The following PCDHGA10 variants were observed in gnomAD, a reference collection of about 807,000 sequenced individuals.
PCDHGA10 encodes protocadherin gamma subfamily A, 10.
Under a neutral mutation model 59.5 loss-of-function variants are expected in PCDHGA10, and 42 were observed. That is an observed-to-expected ratio of 0.71 (90% confidence interval 0.55 to 0.91). PCDHGA10 has a LOEUF of 0.91. Among genes scored for constraint, PCDHGA10 ranks in the 40% least tolerant of loss-of-function variants. The pLI, the probability that PCDHGA10 is intolerant of heterozygous loss-of-function variation, is 0.00. For missense variants in PCDHGA10, 1,111 were observed against 1,198.2 expected (o/e 0.93, Z 1.07); for synonymous variants, 511 against 517.2 (o/e 0.99, Z 0.16).
Position 141,510,990 on chromosome 5 carries a change from C to T in PCDHGA10, c.2628C>T (p.Thr876=). ...GSSTLGGGAG[T]MGLSARYGPQ... ...CCACCCTGGGAGGGGGTGCCGGCAC[C>T]ATGGGATTGAGCGCCCGCTACGGAC... The change falls in exon 4 of 4, where the codon ACC becomes ACT. Residue 876 remains threonine, a synonymous_variant. Transcript: ENST00000398610. The T allele has an allele frequency of 2.5e-6, 4 of 1,614,166 alleles. No homozygotes were observed. Among genetic ancestry groups the T allele is most frequent in the Non-Finnish European group, 3.4e-6 (4 of 1,180,014 alleles).
chr5:141,506,506 C>T (rs1279198463), intron 3 of PCDHGA10, among the ~76,000 whole-genome samples: 2 of 151,030 alleles, frequency 1.3e-5, no homozygotes. Context: ...GATTCAAATC[C>T]TGGCACCTGG....
chr5:141,497,197 A>G (rs1243476120), intron 2 of PCDHGA10, among the ~76,000 whole-genome samples: 2 of 106,804 alleles, frequency 1.9e-5, no homozygotes, highest in African/African-American at 5.7e-5. Flanking sequence ...GCAGAGAACA[A>G]TGTGAGTGTA....
At chr5:141,419,201 A>C in intron 1 of PCDHGA10, 1 of 1,613,998 alleles carries the variant, frequency 6.2e-7, no homozygotes, top group South Asian at 1.1e-5. Context: ...CGTCAATGAC[A>C]ACGCGCCGGT....
chr5:141,419,248 AAAC>A (rs1229992972), intron 1 of PCDHGA10: 1 of 1,613,980 alleles, frequency 6.2e-7, no homozygotes, highest in Admixed American at 1.7e-5. Context: ...ACGTGCCAGA[AAAC>A]AACCAGCCGG....
chr5:141,478,163 C>G (rs779617960), intron 1 of PCDHGA10: 22 of 1,614,028 alleles, frequency 1.4e-5, no homozygotes, highest in Non-Finnish European at 1.9e-5. Context: ...TGGCTCTGCC[C>G]CCCGGGAGCA....
intron 1 of PCDHGA10, chr5:141,418,506 ATGG>A (rs2096264933): frequency 6.2e-7 from 1 of 1,613,860 alleles, no homozygotes; most frequent in African/African-American, 1.3e-5. Context: ...ACCGCCTTAG[ATGG>A]TGGGGACCCT....
intron 1 of PCDHGA10, chr5:141,417,664 C>T: frequency 1.1e-6 from 1 of 911,118 alleles, no homozygotes; most frequent in Non-Finnish European, 1.6e-6. Context: ...CTGGGATTCC[C>T]TGCGCAGCCA....
chr5:141,423,877 C>A, intron 1 of PCDHGA10: 1 of 1,283,890 alleles, frequency 7.8e-7, no homozygotes, highest in Non-Finnish European at 9.9e-7. Flanking sequence ...ATTTTTCAAT[C>A]TTGGCATATT....
chr5:141,415,947 C>T (rs1161530180), intron 1 of PCDHGA10: 1 of 532,382 alleles, frequency 1.9e-6, no homozygotes, highest in Admixed American at 4.2e-5. Flanking sequence ...CCTGGGTGGT[C>T]ACATATTGAA....
intron 1 of PCDHGA10, among the ~76,000 whole-genome samples, chr5:141,465,839 G>A (rs1166392052): frequency 6.6e-6 from 1 of 151,400 alleles, no homozygotes; most frequent in Non-Finnish European, 1.5e-5. Context: ...AATTTCAACT[G>A]AGGCTGGGCC....
At chr5:141,436,611 C>T (rs893312137) in intron 1 of PCDHGA10, among the ~76,000 whole-genome samples, 1 of 152,126 alleles carries the variant, frequency 6.6e-6, no homozygotes, top group Non-Finnish European at 1.5e-5. Context: ...CTAGGGCTAA[C>T]AAAAATCTGA....
At chr5:141,452,527 G>A (rs1164238830) in intron 1 of PCDHGA10, among the ~76,000 whole-genome samples, 1 of 152,156 alleles carries the variant, frequency 6.6e-6, no homozygotes, top group Non-Finnish European at 1.5e-5. Flanking sequence ...TCAAAATCGT[G>A]AGTTCATATT....
chr5:141,508,901 C>T (rs1466455227), intron 3 of PCDHGA10, among the ~76,000 whole-genome samples: 1 of 151,946 alleles, frequency 6.6e-6, no homozygotes, highest in South Asian at 2.1e-4. Flanking sequence ...GGGGGCGGGG[C>T]GGTGGCGGAT....
intron 1 of PCDHGA10, chr5:141,417,635 G>C (rs1195744332): frequency 1.4e-6 from 1 of 724,902 alleles, no homozygotes; most frequent in Non-Finnish European, 2.1e-6. Flanking sequence ...CTGACGCCGG[G>C]GATCCCTCAG....
chr5:141,487,813 TG>T lies in PCDHGA10; in HGVS notation c.2437-6989del. 7.2e-7 allele frequency: 1 copy of T among 1,384,138 alleles called. No homozygotes were observed. 85.7% of individuals were successfully genotyped at this position (1,384,138 alleles called of 1,614,324 possible). A position where few individuals can be genotyped will look rare whatever the true frequency, so the allele number is the denominator to read the frequency against. On this transcript the variant is annotated intron_variant, in intron 1 of 3. Transcript: ENST00000398610. This position sits in a 1 kb window ranked among gnomAD's most constrained non-coding sequence, Gnocchi z 5.0. Reference sequence around the variant, plus strand: ...AACCAGAGTTGTCACAGTTTAGCATTGGGGGCGGGTCATGCCTATATCTGAG... The same window carrying T: ...AACCAGAGTTGTCACAGTTTAGCATTGGGGCGGGTCATGCCTATATCTGAG...
chr5:141,427,481 C>G, intron 1 of PCDHGA10: 2 of 534,060 alleles, frequency 3.7e-6, no homozygotes, highest in Non-Finnish European at 7.2e-6. Flanking sequence ...CCAATAATGA[C>G]TATAAGCTTG....
chr5:141,503,671 A>G (rs1028896082), intron 2 of PCDHGA10, among the ~76,000 whole-genome samples: 2 of 151,950 alleles, frequency 1.3e-5, no homozygotes, highest in Non-Finnish European at 2.9e-5. Flanking sequence ...AACTCTTCCC[A>G]CTTTTGGGAA....
intron 1 of PCDHGA10, among the ~76,000 whole-genome samples, chr5:141,492,409 C>A (rs1367119266): frequency 6.6e-6 from 1 of 152,230 alleles, no homozygotes; most frequent in Non-Finnish European, 1.5e-5. Flanking sequence ...TCCCCTCTGC[C>A]GCTCCCTCCG....
rs759737266 is a variant in PCDHGA10 at position 141,489,464 on chromosome 5, T to A, written c.2437-5343T>A. 5 of 1,614,030 alleles carry A rather than the reference T, an allele frequency of 3.1e-6. No homozygotes were observed. In the South Asian group the frequency reaches 3.3e-5, roughly 11 times the overall value. On this transcript the variant is annotated intron_variant, in intron 1 of 3. Transcript: ENST00000398610. The surrounding 1 kb of genome is among the most constrained non-coding windows in gnomAD (Gnocchi z 4.5). ...GGCTCTGAGGAGAATGGGCGCTATT[T>A]TTCCCTGAGCTTGATGAGTGGTGCC...
Sources: gnomAD v4.1 joint callset for allele counts (sites outside exome capture counted in the v4.1 genomes callset) on GRCh38, gnomAD v4.1.1 for gene constraint, Gnocchi (gnomAD v3.1) non-coding constraint, MANE v1.5 for transcripts, NCBI Gene and HGNC (gene_info 2026-07-23, HGNC 2026-07-21) for gene names.